CIBAR2: variants seen among roughly 807,000 people sequenced by gnomAD.
CIBAR2 encodes the protein CBY1 interacting BAR domain containing 2.
CIBAR2 carries 38 observed loss-of-function variants against 36.2 expected under a neutral mutation model. The ratio of observed to expected loss-of-function variants is 1.05; its 90% CI spans 0.81 to 1.38. The LOEUF (loss-of-function observed/expected upper bound fraction) is 1.38, where lower values mean the gene tolerates loss of function less well. Among genes scored for constraint, CIBAR2 ranks in the 40% most tolerant of loss-of-function variants. The pLI, the probability that CIBAR2 is intolerant of heterozygous loss-of-function variation, is 0.00. For missense variants in CIBAR2, 481 were observed against 383.4 expected, an observed-to-expected ratio of 1.25 and a Z score of -2.13; for synonymous variants, 182 against 149.5, an observed-to-expected ratio of 1.22 and a Z score of -1.58.
intron 5 of CIBAR2, among the ~76,000 whole-genome samples, chr16:85,106,552 G>A (rs1424424910): frequency 2.0e-5 from 3 of 152,124 alleles, no homozygotes; most frequent in Non-Finnish European, 4.4e-5. Flanking sequence ...GAGGGAAGGT[G>A]CAGGCTGCCA....
intron 1 of CIBAR2, among the ~76,000 whole-genome samples, chr16:85,111,609 G>A (rs1178489635): frequency 6.6e-6 from 1 of 152,222 alleles, no homozygotes; most frequent in African/African-American, 2.4e-5. Context: ...TCTTTGGGGG[G>A]CCGAGGTGTG....
rs2074006187 is a variant in CIBAR2, at chr16:85,107,593, AC to A, written c.432+73del. On this transcript the variant is annotated intron_variant, in intron 5 of 8. Coordinates refer to ENST00000539556, the MANE Select transcript of CIBAR2 (RefSeq NM_198491.3). ...ACCTGCTTCAGACCAGGTAAAGTCT[AC>A]CTGGCCGTTTTGTGAGGTCGTGTAT... 7.9e-6 allele frequency: 12 copies of A among 1,526,908 alleles called. No homozygotes were observed. In the South Asian group the frequency reaches 1.2e-4, roughly 16 times the overall value. 94.6% of individuals were successfully genotyped at this position (1,526,908 alleles called of 1,614,324 possible).
intron 2 of CIBAR2, 71 bp downstream of exon 2, chr16:85,110,155 C>A: frequency 8.2e-7 from 1 of 1,226,232 alleles, no homozygotes. Context: ...CTCCTGCAGC[C>A]CTCAGGCCTG....
intron 1 of CIBAR2, among the ~76,000 whole-genome samples, chr16:85,110,771 C>G (rs1211439609): frequency 7.3e-6 from 1 of 137,724 alleles, no homozygotes; most frequent in Non-Finnish European, 1.5e-5. Context: ...GTGGTATGAT[C>G]TTGGCTTACT....
intron 8 of CIBAR2, among the ~76,000 whole-genome samples, chr16:85,099,799 T>C (rs113927123): frequency 0.17 from 4,247 of 24,784 alleles, 102 homozygotes; most frequent in African/African-American, 0.44. Context: ...AATTTTTGCT[T>C]TTTTTTTTTT....
intron 7 of CIBAR2, among the ~76,000 whole-genome samples, chr16:85,100,453 G>A (rs1266825285): frequency 1.3e-5 from 2 of 152,192 alleles, no homozygotes; most frequent in Admixed American, 6.5e-5. Flanking sequence ...ACAGATGGGA[G>A]AGGCCCAGAG....
rs540409688 is a variant in CIBAR2 at position 85,099,870 on chromosome 16, T to C, written c.753+269A>G. Reference sequence around the variant, plus strand: ...TTTGGCCAGGCTGGTCTCGAACTCCTGACCTCAAGTGATCCTCCCACCTCA... The same window carrying C: ...TTTGGCCAGGCTGGTCTCGAACTCCCGACCTCAAGTGATCCTCCCACCTCA... On this transcript the variant is annotated intron_variant, in intron 8 of 8. Transcript: ENST00000539556. Among the ~76,000 whole-genome samples the C allele has an allele frequency of 1.9e-3, 284 of 146,720 alleles. 1 individual carries two copies. The highest frequency in any genetic ancestry group is 6.8e-3 in the African/African-American group (269 of 39,434).
intron 5 of CIBAR2, among the ~76,000 whole-genome samples, chr16:85,105,946 C>G (rs560642406): frequency 6.6e-6 from 1 of 152,322 alleles, no homozygotes; most frequent in East Asian, 1.9e-4. Flanking sequence ...TTGAAATTTG[C>G]CACTTAACTG....
At chr16:85,106,184 C>A (rs538096570) in intron 5 of CIBAR2, among the ~76,000 whole-genome samples, 1 of 152,068 alleles carries the variant, frequency 6.6e-6, no homozygotes, top group Non-Finnish European at 1.5e-5. Flanking sequence ...CGGAGGTGCT[C>A]GGGCAGGGCT....
intron 1 of CIBAR2, among the ~76,000 whole-genome samples, chr16:85,111,144 A>AT (rs2074039765): frequency 6.6e-6 from 1 of 151,728 alleles, no homozygotes; most frequent in African/African-American, 2.4e-5. Flanking sequence ...CCTTTCCCTC[A>AT]TCCCCAGCGT....
In CIBAR2 at chr16:85,110,313, A is replaced by G; in HGVS notation, c.168T>C (p.Phe56=). ...GCAGCTCGGGGTTCTCGGAGTTGGC[A>G]AAGTCGATGAGCTGCTTGACCAGCT... The part of the protein sequence containing the change: ...ADQLVKQLID[F]ANSENPELRA... The change falls in exon 2 of 9, where the codon TTT becomes TTC. Residue 56 remains phenylalanine, a synonymous_variant. Transcript: ENST00000539556. 6.2e-7 allele frequency: 1 copy of G among 1,612,440 alleles called. No individual in the cohort carries two copies. The highest frequency in any genetic ancestry group is 1.1e-5 in the South Asian group (1 of 90,936).
rs892023098 is a variant in CIBAR2, at chr16:85,108,208, G to A, written c.256-109C>T. The A allele has an allele frequency of 7.4e-5, 77 of 1,037,580 alleles. 1 individual carries two copies. In the East Asian group the frequency reaches 7.7e-4, roughly 10 times the overall value. 64.3% of individuals were successfully genotyped at this position (1,037,580 alleles called of 1,614,324 possible). Reference sequence around the variant, plus strand: ...GGGAGCCGCGTGTCCAGAGCTGTGCGGCGGGAGGTGGAGCGCGAGGTGCCC... The same window carrying A: ...GGGAGCCGCGTGTCCAGAGCTGTGCAGCGGGAGGTGGAGCGCGAGGTGCCC... On this transcript the variant is annotated intron_variant, in intron 2 of 8. Transcript: ENST00000539556.
At chr16:85,106,023 C>A (rs1324294523) in intron 5 of CIBAR2, among the ~76,000 whole-genome samples, 1 of 152,164 alleles carries the variant, frequency 6.6e-6, no homozygotes, top group Non-Finnish European at 1.5e-5. Context: ...GGACTTAAAA[C>A]CACCTTCGTG....
intron 7 of CIBAR2, among the ~76,000 whole-genome samples, chr16:85,100,664 C>G (rs1424486017): frequency 6.6e-6 from 1 of 152,220 alleles, no homozygotes; most frequent in Non-Finnish European, 1.5e-5. Context: ...AAACTCCTCT[C>G]CCCTTGAATA....
rs777615366 is a variant in CIBAR2 at position 85,110,372 on chromosome 16, G to T, written c.109C>A (p.Arg37Ser). 6.2e-7 allele frequency: 1 copy of T among 1,613,418 alleles called. No homozygotes were observed. Among genetic ancestry groups the T allele is most frequent in the South Asian group, 1.1e-5 (1 of 91,044 alleles). ...QFCSLLAAYT[R>S]KTARLRDKAD... The stretch of plus-strand genomic sequence containing the variant: ...TTGTCCCGCAGCCGGGCCGTCTTGC[G>T]CGTGTAGGCGGCCAGCAGCGAGCAG... Residue 37 changes from arginine (R) to serine (S), a missense_variant, in exon 2 of 9, where the codon CGC (arginine) becomes AGC (serine). Physicochemically the swap from Arg to Ser is moderately radical, Grantham distance 110. Transcript: ENST00000539556.
intron 2 of CIBAR2, among the ~76,000 whole-genome samples, chr16:85,109,028 C>T (rs55837879): frequency 0.14 from 21,622 of 152,122 alleles, 1,566 homozygotes; most frequent in Middle Eastern, 0.18. Context: ...CTCTGGTCTC[C>T]GTGGGAGTTT....
intron 8 of CIBAR2, among the ~76,000 whole-genome samples, 186 bp downstream of exon 8, chr16:85,099,953 T>A (rs1212425341): frequency 6.6e-6 from 1 of 151,850 alleles, no homozygotes; most frequent in East Asian, 1.9e-4. Context: ...TCATTCTACT[T>A]CAAGGCAAAG....
chr16:85,104,212 G>C (rs535431548), intron 6 of CIBAR2, among the ~76,000 whole-genome samples: 1 of 152,214 alleles, frequency 6.6e-6, no homozygotes, highest in South Asian at 2.1e-4. Context: ...CCGACTGGAC[G>C]CAGATCAAGG....
chr16:85,110,350 T>G lies in CIBAR2; in HGVS notation c.131A>C (p.Asp44Ala). The G allele has an allele frequency of 1.2e-6, 2 of 1,613,432 alleles. No individual in the cohort carries two copies. Among genetic ancestry groups the G allele is most frequent in the Non-Finnish European group, 1.7e-6 (2 of 1,179,784 alleles). ...AYTRKTARLRDKADQLVKQLI... is the reference protein window; with the variant it reads ...AYTRKTARLRAKADQLVKQLI... ...CTGCTTGACCAGCTGGTCCGCCTTGTCCCGCAGCCGGGCCGTCTTGCGCGT... is the reference window on the plus strand; with the variant it reads ...CTGCTTGACCAGCTGGTCCGCCTTGGCCCGCAGCCGGGCCGTCTTGCGCGT... The change falls in exon 2 of 9, where the codon GAC (aspartate) becomes GCC (alanine). Residue 44 changes from aspartate (D) to alanine (A), a missense_variant. Coordinates refer to ENST00000539556, the MANE Select transcript of CIBAR2 (RefSeq NM_198491.3).
Sources: allele counts gnomAD v4.1 joint callset (sites outside exome capture counted in the v4.1 genomes callset), GRCh38; gene constraint gnomAD v4.1.1; transcripts MANE v1.5; gene names NCBI Gene and HGNC (gene_info 2026-07-23, HGNC 2026-07-21).